SPIRE1: variants seen among roughly 807,000 people sequenced by gnomAD.
SPIRE1 encodes protein spire homolog 1.
Under a neutral mutation model 94.1 loss-of-function variants are expected in SPIRE1, and 40 were observed. The ratio of observed to expected loss-of-function variants is 0.43; its 90% confidence interval spans 0.33 to 0.55. The LOEUF (loss-of-function observed/expected upper bound fraction) is 0.55. Ranked by LOEUF, SPIRE1 falls within the 20% of genes least tolerant of loss-of-function variation. SPIRE1 has a pLI of 0.06. For synonymous variants in SPIRE1, 376 were observed against 371.7 expected, an observed-to-expected ratio of 1.01 and a Z score of -0.13; for missense variants, 838 against 975.2, an observed-to-expected ratio of 0.86 and a Z score of 1.87.
intron 2 of SPIRE1, among the ~76,000 whole-genome samples, chr18:12,579,900 G>C (rs146165864): frequency 6.6e-6 from 1 of 152,330 alleles, no homozygotes; most frequent in Non-Finnish European, 1.5e-5. Flanking sequence ...CAGTTTGCTT[G>C]AATCATCAAG....
chr18:12,543,667 A>T lies in SPIRE1; in HGVS notation c.603+3007T>A, dbSNP rs1396140228. On this transcript the variant is annotated intron_variant, in intron 3 of 16. Transcript: ENST00000409402. ...AACAAATTATTAGATTACTTGAAATAAAAGACTATCCGGGACAAAAGTTAC... is the reference window on the plus strand; with the variant it reads ...AACAAATTATTAGATTACTTGAAATTAAAGACTATCCGGGACAAAAGTTAC... Among the ~76,000 whole-genome samples the T allele has an allele frequency of 2.0e-5, 3 of 152,382 alleles. No homozygotes were observed. The East Asian group carries it at 5.8e-4, about 29-fold the overall frequency.
At chr18:12,578,100 G>A (rs1019569405) in intron 2 of SPIRE1, among the ~76,000 whole-genome samples, 2 of 152,178 alleles carry the variant, frequency 1.3e-5, no homozygotes, top group African/African-American at 2.4e-5. Context: ...CATTGCTGGT[G>A]TGAATACAAA....
intron 4 of SPIRE1, among the ~76,000 whole-genome samples, chr18:12,534,553 G>T (rs929521090): frequency 2.0e-5 from 3 of 152,196 alleles, no homozygotes; most frequent in Non-Finnish European, 4.4e-5. Flanking sequence ...CCATCCATTT[G>T]GCTGGGGCCC....
upstream of SPIRE1, chr18:12,658,397 A>G: frequency 2.5e-6 from 1 of 403,418 alleles, no homozygotes; most frequent in South Asian, 1.8e-5. Flanking sequence ...TAGGGCGTGC[A>G]GGGTTGTGGG....
chr18:12,612,387 C>T (rs2037167622), intron 2 of SPIRE1, among the ~76,000 whole-genome samples: 1 of 152,172 alleles, frequency 6.6e-6, no homozygotes, highest in East Asian at 1.9e-4. Flanking sequence ...TCCTGTCTCG[C>T]CATCCTCTTA....
rs1232520154 is a variant in SPIRE1, at chr18:12,476,588, TACAC to T, written c.1404+3107_1404+3110del. 5.7e-5 allele frequency among the ~76,000 whole-genome samples: 6 copies of T among 104,444 alleles called. No individual in the cohort carries two copies. In the East Asian group the frequency reaches 1.2e-3, roughly 20 times the overall value. 68.5% of individuals were successfully genotyped at this position (104,444 alleles called of 152,430 possible). A position where few individuals can be genotyped will look rare whatever the true frequency, so the allele number is the denominator to read the frequency against. On this transcript the variant is annotated intron_variant, in intron 10 of 16. Transcript: ENST00000409402. Reference sequence around the variant, plus strand: ...AAATATATATATATATATATATATATACACACACACACACACACACATATATACA... The same window carrying T: ...AAATATATATATATATATATATATATACACACACACACACACATATATACA...
chr18:12,518,712 AC>A, intron 4 of SPIRE1, among the ~76,000 whole-genome samples: 1 of 151,946 alleles, frequency 6.6e-6, no homozygotes, highest in East Asian at 1.9e-4. Flanking sequence ...AAAAACAAAA[AC>A]AAAACAAAAA....
intron 4 of SPIRE1, among the ~76,000 whole-genome samples, chr18:12,518,293 A>G (rs2034258301): frequency 6.6e-6 from 1 of 152,170 alleles, no homozygotes. Flanking sequence ...TATAGGCGTG[A>G]GCAACCACAC....
At chr18:12,526,956 C>T (rs1195923944) in intron 4 of SPIRE1, among the ~76,000 whole-genome samples, 1 of 152,122 alleles carries the variant, frequency 6.6e-6, no homozygotes, top group African/African-American at 2.4e-5. Flanking sequence ...GATCCACCCG[C>T]CTCACCCTCC....
At chr18:12,462,000 G>A (rs908249281) in intron 12 of SPIRE1, among the ~76,000 whole-genome samples, 5 of 152,166 alleles carry the variant, frequency 3.3e-5, no homozygotes, top group African/African-American at 1.2e-4. Context: ...TTATTCACAT[G>A]AAAACAAATT....
chr18:12,523,414 C>T (rs1434174805), intron 4 of SPIRE1, among the ~76,000 whole-genome samples: 1 of 152,136 alleles, frequency 6.6e-6, no homozygotes, highest in Non-Finnish European at 1.5e-5. Context: ...TTATATAAAT[C>T]TAGTTGATAA....
At chr18:12,482,375 C>G (rs1274833279) in intron 9 of SPIRE1, among the ~76,000 whole-genome samples, 4 of 152,046 alleles carry the variant, frequency 2.6e-5, no homozygotes, top group African/African-American at 9.7e-5. Flanking sequence ...GATCTCCTGA[C>G]CTTGTGATCC....
chr18:12,641,191 TCAA>T (rs2052987764), intron 1 of SPIRE1, among the ~76,000 whole-genome samples: 1 of 152,088 alleles, frequency 6.6e-6, no homozygotes, highest in Non-Finnish European at 1.5e-5. Context: ...CCAAAACTGA[TCAA>T]CAACAACCAT....
intron 4 of SPIRE1, among the ~76,000 whole-genome samples, chr18:12,514,707 G>A (rs752655337): frequency 1.3e-5 from 2 of 152,114 alleles, no homozygotes; most frequent in African/African-American, 4.8e-5. Context: ...TAGGGAAGTT[G>A]GGGAGCGGTA....
At chr18:12,577,855 C>G (rs948718981) in intron 2 of SPIRE1, among the ~76,000 whole-genome samples, 2 of 151,882 alleles carry the variant, frequency 1.3e-5, no homozygotes, top group African/African-American at 4.8e-5. Flanking sequence ...TTTTAAAAAA[C>G]AGAACTCAGT....
At chr18:12,505,757 T>C (rs2033813051) in intron 6 of SPIRE1, among the ~76,000 whole-genome samples, 1 of 152,152 alleles carries the variant, frequency 6.6e-6, no homozygotes, top group Non-Finnish European at 1.5e-5. Flanking sequence ...GGACACAAGG[T>C]GATTTGTTTA....
chr18:12,641,406 G>A (rs2144850116), intron 1 of SPIRE1, among the ~76,000 whole-genome samples: 1 of 145,004 alleles, frequency 6.9e-6, no homozygotes, highest in African/African-American at 2.5e-5. Context: ...GTCTCGCTCT[G>A]TCGCCAGTCT....
Position 12,449,266 on chromosome 18 carries a change from C to T in SPIRE1, c.*372G>A, listed in dbSNP as rs975362763. The T allele has an allele frequency of 3.7e-5, 9 of 240,398 alleles. No homozygotes were observed. Among genetic ancestry groups the T allele is most frequent in the Admixed American group, 1.5e-4 (3 of 19,380 alleles). The allele number at this position is 240,398 out of a possible 1,614,324, so 14.9% of individuals were successfully genotyped here. The stretch of plus-strand genomic sequence containing the variant: ...TTACTGCTTAGGGCTGTGCTGACAT[C>T]GGCATCTCTGTTAGACTGATTCTCG... On this transcript the variant is annotated 3_prime_UTR_variant, in exon 17 of 17. Coordinates refer to ENST00000409402, the MANE Select transcript of SPIRE1 (RefSeq NM_001128626.2).
chr18:12,464,888 T>C lies in SPIRE1; in HGVS notation c.1475A>G (p.Glu492Gly), dbSNP rs760264057. 4.3e-6 allele frequency: 7 copies of C among 1,613,856 alleles called. No individual in the cohort carries two copies. In the South Asian group the frequency reaches 7.7e-5, roughly 18 times the overall value. The change falls in exon 11 of 17, where the codon GAG (glutamate) becomes GGG (glycine). Residue 492 changes from glutamate to glycine, a missense_variant. By Grantham distance (98) the Glu-to-Gly change is moderately conservative. This residue lies in a region of SPIRE1 where 645 missense variants were observed against 804.7 expected (regional missense o/e 0.80). Coordinates refer to ENST00000409402, the MANE Select transcript of SPIRE1 (RefSeq NM_001128626.2). The part of the protein sequence containing the change: ...SPSFPEEPVL[E>G]AVSTRKKPPK... ...CTCACTCTTCCTTGTGGACACGGCC[T>C]CCAGGACTGGCTCTTCAGGGAAAGA...
Sources: gnomAD v4.1 joint callset for allele counts (sites outside exome capture counted in the v4.1 genomes callset) on GRCh38, gnomAD v4.1.1 for gene constraint, gnomAD v4.1.1 regional missense constraint, MANE v1.5 for transcripts, NCBI Gene and HGNC (gene_info 2026-07-23, HGNC 2026-07-21) for gene names.